The following DNAJC15 variants were observed in gnomAD, a reference collection of about 807,000 sequenced individuals.
The protein encoded by DNAJC15 is dnaJ homolog subfamily C member 15.
Under a neutral mutation model 22.4 loss-of-function variants are expected in DNAJC15, and 27 were observed. The ratio of observed to expected loss-of-function variants is 1.20; its 90% CI spans 0.89 to 1.66. DNAJC15 has a LOEUF of 1.66. Among genes scored for constraint, DNAJC15 ranks in the 40% most tolerant of loss-of-function variants. The pLI is 0.00. For missense variants in DNAJC15, 208 were observed against 187.1 expected, an observed-to-expected ratio of 1.11 and a Z score of -0.65; for synonymous variants, 79 against 63.2, an observed-to-expected ratio of 1.25 and a Z score of -1.19.
At chr13:43,077,283 G>T (rs2040637923) in intron 3 of DNAJC15, among the ~76,000 whole-genome samples, 1 of 152,206 alleles carries the variant, frequency 6.6e-6, no homozygotes, top group African/African-American at 2.4e-5. Context: ...CATTTGCACA[G>T]CTTGGGTTCT....
chr13:43,054,517 T>C (rs1398268898), intron 1 of DNAJC15, among the ~76,000 whole-genome samples: 1 of 152,228 alleles, frequency 6.6e-6, no homozygotes, highest in Non-Finnish European at 1.5e-5. Context: ...AATTCAGCTG[T>C]AAATCCATCT....
intron 3 of DNAJC15, among the ~76,000 whole-genome samples, chr13:43,069,770 TTC>T (rs2040600237): frequency 6.6e-6 from 1 of 152,212 alleles, no homozygotes; most frequent in Non-Finnish European, 1.5e-5. Flanking sequence ...TATTCTGCTA[TTC>T]TGAGTTCCTG....
At chr13:43,063,909 T>G (rs1192427997) in intron 1 of DNAJC15, among the ~76,000 whole-genome samples, 1 of 152,228 alleles carries the variant, frequency 6.6e-6, no homozygotes, top group Non-Finnish European at 1.5e-5. Context: ...GCTCAAAATA[T>G]GTAGCACCAG....
chr13:43,055,882 G>A (rs1020851501), intron 1 of DNAJC15, among the ~76,000 whole-genome samples: 8 of 151,982 alleles, frequency 5.3e-5, no homozygotes, highest in African/African-American at 1.9e-4. Flanking sequence ...TTAATATTAT[G>A]AACTTTCCTC....
chr13:43,064,655 A>G (rs1445539798), intron 1 of DNAJC15, among the ~76,000 whole-genome samples: 2 of 152,178 alleles, frequency 1.3e-5, no homozygotes, highest in African/African-American at 4.8e-5. Flanking sequence ...TTTTTATCCC[A>G]TGTATTAATA....
chr13:43,070,219 C>G (rs979332691), intron 3 of DNAJC15, among the ~76,000 whole-genome samples: 2 of 151,840 alleles, frequency 1.3e-5, no homozygotes, highest in African/African-American at 4.8e-5. Context: ...AACTTAGATT[C>G]AAAAAAACAG....
intron 5 of DNAJC15, among the ~76,000 whole-genome samples, chr13:43,090,989 A>G (rs2153441824): frequency 1.3e-5 from 2 of 152,230 alleles, no homozygotes; most frequent in Middle Eastern, 3.4e-3. Flanking sequence ...ATTTCTAGGT[A>G]TTTGTAAGAG....
chr13:43,102,193 A>AT (rs951059796), intron 5 of DNAJC15, among the ~76,000 whole-genome samples: 14 of 151,918 alleles, frequency 9.2e-5, no homozygotes, highest in Non-Finnish European at 1.6e-4. Context: ...GATATTGAGC[A>AT]TTTTTTTAAT....
chr13:43,101,988 CT>C lies in DNAJC15; in HGVS notation c.383-5187del, dbSNP rs1335291290. On this transcript the variant is annotated intron_variant, in intron 5 of 5. Transcript: ENST00000379221. Reference sequence around the variant, plus strand: ...GAATCAAATGGCAGGTCTTTTAGTTCTTTAAGGAATCTACATACTATTTTCC... The same window carrying C: ...GAATCAAATGGCAGGTCTTTTAGTTCTTAAGGAATCTACATACTATTTTCC... Among the ~76,000 whole-genome samples the C allele has an allele frequency of 4.6e-5, 7 of 152,292 alleles. No homozygotes were observed. In the East Asian group the frequency reaches 1.2e-3, roughly 25 times the overall value.
chr13:43,035,377 T>C (rs571976500), intron 1 of DNAJC15, among the ~76,000 whole-genome samples: 1 of 152,314 alleles, frequency 6.6e-6, no homozygotes, highest in South Asian at 2.1e-4. Flanking sequence ...AGGTTAAATA[T>C]TGCATATTCA....
chr13:43,066,253 T>C (rs954548393), intron 2 of DNAJC15, among the ~76,000 whole-genome samples: 8 of 152,068 alleles, frequency 5.3e-5, no homozygotes, highest in African/African-American at 1.7e-4. Flanking sequence ...ATAGTTCTTT[T>C]TTTTTTCTTT....
chr13:43,090,705 CTTTCT>C (rs2040710222), intron 5 of DNAJC15, among the ~76,000 whole-genome samples: 1 of 127,722 alleles, frequency 7.8e-6, no homozygotes, highest in South Asian at 2.9e-4. Flanking sequence ...AGTCTTCTTT[CTTTCT>C]TTTTTTTTTT....
At chr13:43,038,217 C>T (rs530652735) in intron 1 of DNAJC15, among the ~76,000 whole-genome samples, 3 of 152,236 alleles carry the variant, frequency 2.0e-5, no homozygotes, top group Non-Finnish European at 1.5e-5. Flanking sequence ...TTGTTGATTC[C>T]TGTGATGAAA....
chr13:43,095,049 A>G (rs922292018), intron 5 of DNAJC15, among the ~76,000 whole-genome samples: 9 of 151,998 alleles, frequency 5.9e-5, no homozygotes, highest in Non-Finnish European at 1.0e-4. Context: ...GGCTTTTTTT[A>G]GTTGCTTTTA....
In DNAJC15 at chr13:43,109,151, A is replaced by G. The variant is rs1339298255; in HGVS notation, c.*1903A>G. On this transcript the variant is annotated 3_prime_UTR_variant, in exon 6 of 6. Transcript: ENST00000379221. ...TTGGTGTTACATTGGCACCCAATAAATATTTGTTGAGTGAATGAATAAATT... is the reference window on the plus strand; with the variant it reads ...TTGGTGTTACATTGGCACCCAATAAGTATTTGTTGAGTGAATGAATAAATT... 2.0e-5 allele frequency: 3 copies of G among 152,228 alleles called. No homozygotes were observed. Among genetic ancestry groups the G allele is most frequent in the Non-Finnish European group, 4.4e-5 (3 of 68,038 alleles). The allele number at this position is 152,228 out of a possible 1,614,324, so 9.4% of individuals were successfully genotyped here. A position where few individuals can be genotyped will look rare whatever the true frequency, so the allele number is the denominator to read the frequency against.
intron 1 of DNAJC15, among the ~76,000 whole-genome samples, chr13:43,032,485 CT>C (rs1430952385): frequency 6.6e-6 from 1 of 152,210 alleles, no homozygotes; most frequent in African/African-American, 2.4e-5. Flanking sequence ...TCCATTTACA[CT>C]GTCTTATGTC....
At chr13:43,060,330 A>G (rs1048199008) in intron 1 of DNAJC15, among the ~76,000 whole-genome samples, 1 of 152,158 alleles carries the variant, frequency 6.6e-6, no homozygotes, top group African/African-American at 2.4e-5. Flanking sequence ...GTCATATAGA[A>G]TTATTGGTGA....
chr13:43,041,344 A>C (rs1364404557), intron 1 of DNAJC15, among the ~76,000 whole-genome samples: 1 of 152,236 alleles, frequency 6.6e-6, no homozygotes, highest in Admixed American at 6.5e-5. Context: ...CCCTGAGTTG[A>C]CACAGCACAT....
At chr13:43,071,875 G>A (rs918832857) in intron 3 of DNAJC15, among the ~76,000 whole-genome samples, 2 of 151,710 alleles carry the variant, frequency 1.3e-5, no homozygotes, top group Admixed American at 6.6e-5. Flanking sequence ...CTGAAATAGT[G>A]CCTTGGATAA....
Sources: gnomAD v4.1 joint callset for allele counts (sites outside exome capture counted in the v4.1 genomes callset) on GRCh38, gnomAD v4.1.1 for gene constraint, MANE v1.5 for transcripts, NCBI Gene and HGNC (gene_info 2026-07-23, HGNC 2026-07-21) for gene names.